The following HYOU1 variants were observed in gnomAD, a reference collection of about 807,000 sequenced individuals.
HYOU1 encodes hypoxia up-regulated 1.
Under a neutral mutation model 120.5 loss-of-function variants are expected in HYOU1, and 40 were observed. That is an observed-to-expected ratio of 0.33 (90% CI 0.26 to 0.43). The LOEUF (loss-of-function observed/expected upper bound fraction) is 0.43, where lower values mean the gene tolerates loss of function less well. Ranked by LOEUF, HYOU1 falls within the 20% of genes least tolerant of loss-of-function variation. The pLI, the probability that HYOU1 is intolerant of heterozygous loss-of-function variation, is 1.00. For missense variants in HYOU1, 1,085 were observed against 1,278.3 expected, an observed-to-expected ratio of 0.85 and a Z score of 2.31; for synonymous variants, 501 against 479.4, an observed-to-expected ratio of 1.05 and a Z score of -0.59.
Position 119,051,980 on chromosome 11 carries a change from C to G in HYOU1, c.1206-29G>C. 1 of 1,613,960 alleles carries G rather than the reference C, an allele frequency of 6.2e-7. No homozygotes were observed. Among genetic ancestry groups the G allele is most frequent in the African/African-American group, 1.3e-5 (1 of 75,038 alleles). On this transcript the variant is annotated intron_variant, in intron 11 of 25. Transcript: ENST00000617285. The surrounding 1 kb of genome is among the most constrained non-coding windows in gnomAD (Gnocchi z 4.2). The stretch of plus-strand genomic sequence containing the variant: ...GGAAAGCCCCAAGCCTCAGCACGGT[C>G]TACCCTGGAGCATGCAACCGGGACT...
chr11:119,049,269 G>A, intron 16 of HYOU1, 66 bp from the exon 17 acceptor site: 1 of 1,590,912 alleles, frequency 6.3e-7, no homozygotes, highest in Non-Finnish European at 8.5e-7. Flanking sequence ...GCCTGGCTCG[G>A]CACCGCCGAC....
In HYOU1 at chr11:119,052,418, C is replaced by T; in HGVS notation, c.999G>A (p.Leu333=). ...NADHMAQIEG[L]MDDVDFKAKV... Reference sequence around the variant, plus strand: ...TTGCCTTGAAGTCCACATCATCCATCAGGCCTTCAATCTGGGAGAGGATGG... The same window carrying T: ...TTGCCTTGAAGTCCACATCATCCATTAGGCCTTCAATCTGGGAGAGGATGG... Residue 333 remains leucine, a synonymous_variant, in exon 10 of 26, where the codon CTG becomes CTA. Transcript: ENST00000617285. The surrounding 1 kb of genome is among the most constrained non-coding windows in gnomAD (Gnocchi z 5.0). 1 of 1,614,212 alleles carries T rather than the reference C, an allele frequency of 6.2e-7. No homozygotes were observed. Among genetic ancestry groups the T allele is most frequent in the Non-Finnish European group, 8.5e-7 (1 of 1,180,038 alleles).
intron 14 of HYOU1, among the ~76,000 whole-genome samples, chr11:119,050,808 T>G (rs2133581350): frequency 3.4e-4 from 50 of 148,324 alleles, no homozygotes; most frequent in African/African-American, 1.2e-3. Flanking sequence ...ACAATGCCTA[T>G]ATCAAACCAT....
Position 119,055,196 on chromosome 11 carries a change from A to C in HYOU1, c.408T>G (p.Phe136Leu), listed in dbSNP as rs2133610990. The change falls in exon 5 of 26, where the codon TTT becomes TTG. Residue 136 changes from phenylalanine to leucine, a missense_variant. Physicochemically the swap from Phe to Leu is conservative, Grantham distance 22. Transcript: ENST00000617285. The surrounding 1 kb of genome is among the most constrained non-coding windows in gnomAD (Gnocchi z 4.0). The part of the protein sequence containing the change: ...TFDPQRQTVH[F>L]QISSQLQFSP... ...AACAGAGCACTCACGAGCTGATCTG[A>C]AAGTGCACAGTCTGCCTCTGTGGGT... The C allele has an allele frequency of 1.1e-5, 17 of 1,613,766 alleles. No individual in the cohort carries two copies. The highest frequency in any genetic ancestry group is 1.4e-5 in the Non-Finnish European group (17 of 1,179,816).
chr11:119,055,241 C>T lies in HYOU1; in HGVS notation c.363G>A (p.Pro121=), dbSNP rs11822958. The T allele has an allele frequency of 8.3e-3, 13,345 of 1,614,084 alleles. 868 individuals carry two copies. In the African/African-American group the frequency reaches 0.15, roughly 18 times the overall value. The change falls in exon 5 of 26, where the codon CCG becomes CCA. Residue 121 remains proline, a synonymous_variant. Transcript: ENST00000617285. The surrounding 1 kb of genome is among the most constrained non-coding windows in gnomAD (Gnocchi z 4.0). ...GTGGGTCGAAAGTCAGCTCGTGCTCCGGGAAGCGGGCCTGGTAAAGAGCTA... is the reference window on the plus strand; with the variant it reads ...GTGGGTCGAAAGTCAGCTCGTGCTCTGGGAAGCGGGCCTGGTAAAGAGCTA... ...PHVALYQARF[P]EHELTFDPQR... is the part of the protein sequence containing the mutation.
rs1377398211 is a variant in HYOU1, at chr11:119,046,633, T to A, written c.2765A>T (p.Asn922Ile). 6.2e-7 allele frequency: 1 copy of A among 1,614,090 alleles called. No individual in the cohort carries two copies. The highest frequency in any genetic ancestry group is 1.3e-5 in the African/African-American group (1 of 74,932). ...TKPRPRPKDK[N>I]GTRAEPPLNA... ...GAGGGGTGGCTCTGCCCGGGTCCCA[T>A]TCTTGTCCTTAGGCCGGGGCCGGGG... Residue 922 changes from asparagine to isoleucine, a missense_variant, in exon 23 of 26, where the codon AAT becomes ATT. Asn to Ile is a moderately radical substitution (Grantham distance 149). Transcript: ENST00000617285.
At chr11:119,047,448 G>C in intron 22 of HYOU1, 1 of 388,286 alleles carries the variant, frequency 2.6e-6, no homozygotes, top group Non-Finnish European at 4.7e-6. Context: ...GTTTCACCTA[G>C]CCAAACCCTG....
chr11:119,045,548 G>C lies in HYOU1; in HGVS notation c.*45C>G, dbSNP rs782475037. The C allele has an allele frequency of 8.0e-6, 12 of 1,493,960 alleles. No individual in the cohort carries two copies. The highest frequency in any genetic ancestry group is 9.3e-6 in the Non-Finnish European group (10 of 1,070,170). 92.5% of individuals were successfully genotyped at this position (1,493,960 alleles called of 1,614,324 possible). A position where few individuals can be genotyped will look rare whatever the true frequency, so the allele number is the denominator to read the frequency against. On this transcript the variant is annotated 3_prime_UTR_variant, in exon 26 of 26. Transcript: ENST00000617285. ...CCTCGATGTTAAATAAATAGAAGTG[G>C]TGGGGGAAGGGGGTGGAGATGAATG...
At chr11:119,053,937 CT>C in intron 8 of HYOU1, 183 bp downstream of exon 8, 1 of 514,690 alleles carries the variant, frequency 1.9e-6, no homozygotes, top group East Asian at 3.2e-5. Context: ...TTTTCCCAAA[CT>C]GTCCTCCCCT....
In HYOU1 at chr11:119,054,561, T is replaced by C. The variant is rs2133605873; in HGVS notation, c.611A>G (p.Asn204Ser). Residue 204 changes from asparagine to serine, a missense_variant, in exon 7 of 26, where the codon AAT becomes AGT. Physicochemically the swap from Asn to Ser is conservative, Grantham distance 46. This residue lies in a region of HYOU1 where 515 missense variants were observed against 677.8 expected (regional missense o/e 0.76). Transcript: ENST00000617285. Reference protein sequence around the residue: ...MAGLKVLQLINDNTATALSYG... With the variant: ...MAGLKVLQLISDNTATALSYG... Reference sequence around the variant, plus strand: ...GCTGAGGGCAGTGGCGGTGTTGTCATTGATGAGCTGCAGCACTTTGAGGCC... The same window carrying C: ...GCTGAGGGCAGTGGCGGTGTTGTCACTGATGAGCTGCAGCACTTTGAGGCC... 5.0e-6 allele frequency: 8 copies of C among 1,614,024 alleles called. No individual in the cohort carries two copies. The highest frequency in any genetic ancestry group is 1.3e-5 in the African/African-American group (1 of 74,920).
At chr11:119,054,368 G>T in intron 7 of HYOU1, 126 bp downstream of exon 7, 1 of 1,189,724 alleles carries the variant, frequency 8.4e-7, no homozygotes. Flanking sequence ...GGGGCTGGGA[G>T]GAGGCTATTG....
Position 119,049,591 on chromosome 11 carries a change from G to A in HYOU1, c.1771C>T (p.Pro591Ser). ...TCAGTACCATTCTCCTTGGCATCTGGTGTGGTACCGCCTCCAAACAGGCTG... is the reference window on the plus strand; with the variant it reads ...TCAGTACCATTCTCCTTGGCATCTGATGTGGTACCGCCTCCAAACAGGCTG... ...ISSLFGGGTT[P>S]DAKENGTDTV... Residue 591 changes from proline (P) to serine (S), a missense_variant, in exon 16 of 26, where the codon CCA becomes TCA. Physicochemically the swap from Pro to Ser is moderately conservative, Grantham distance 74. This residue lies in a region of HYOU1 where 516 missense variants were observed against 517.1 expected (regional missense o/e 1.00). Coordinates refer to ENST00000617285, the MANE Select transcript of HYOU1 (RefSeq NM_006389.5). 1 of 1,614,126 alleles carries A rather than the reference G, an allele frequency of 6.2e-7. No homozygotes were observed.
At position 119,052,748 on chromosome 11, in the gene HYOU1, C is replaced by G; in HGVS notation, c.876G>C (p.Lys292Asn). 1 of 1,614,246 alleles carries G rather than the reference C, an allele frequency of 6.2e-7. No individual in the cohort carries two copies. Among genetic ancestry groups the G allele is most frequent in the Non-Finnish European group, 8.5e-7 (1 of 1,180,042 alleles). The change falls in exon 9 of 26, where the codon AAG (lysine) becomes AAC (asparagine). Residue 292 changes from lysine (K) to asparagine (N), a missense_variant. Physicochemically the swap from Lys to Asn is moderately conservative, Grantham distance 94. Transcript: ENST00000617285. The surrounding 1 kb of genome is among the most constrained non-coding windows in gnomAD (Gnocchi z 5.0). ...RLAGLFNEQR[K>N]GQRAKDVREN... ...CCCGCACATCCTTTGCTCTCTGACC[C>G]TTGCGCTGCTCATTGAAAAGCCCAG... is the stretch of plus-strand genomic sequence containing the variant.
chr11:119,051,393 G>A lies in HYOU1; in HGVS notation c.1526+45C>T, dbSNP rs2133584574. On this transcript the variant is annotated intron_variant, in intron 13 of 25. Transcript: ENST00000617285. The surrounding 1 kb of genome is among the most constrained non-coding windows in gnomAD (Gnocchi z 4.2). The stretch of plus-strand genomic sequence containing the variant: ...AGTCCTCAGATTATCCAGCAGCCAC[G>A]CCTCCCCCTCCCTGGAGCTCCCATC... 1.9e-5 allele frequency: 30 copies of A among 1,593,036 alleles called. No individual in the cohort carries two copies. The South Asian group carries it at 2.0e-4, about 11-fold the overall frequency.
chr11:119,045,961 G>T, intron 24 of HYOU1, 130 bp from the exon 25 acceptor site: 1 of 891,488 alleles, frequency 1.1e-6, no homozygotes, highest in Non-Finnish European at 1.8e-6. Context: ...TGGTCTCTTT[G>T]CCTACTCTGT....
Position 119,045,081 on chromosome 11 carries a change from C to T in HYOU1, c.*512G>A. 4.4e-6 allele frequency: 2 copies of T among 450,314 alleles called. No individual in the cohort carries two copies. The highest frequency in any genetic ancestry group is 3.1e-5 in the South Asian group (2 of 64,444). 27.9% of individuals were successfully genotyped at this position (450,314 alleles called of 1,614,324 possible). On this transcript the variant is annotated 3_prime_UTR_variant, in exon 26 of 26. Transcript: ENST00000617285. ...GAAGGGAGGCTCAGAGCAAGAGAAGCCCGCAGAGGGAGGAAAGAGCACAGA... is the reference window on the plus strand; with the variant it reads ...GAAGGGAGGCTCAGAGCAAGAGAAGTCCGCAGAGGGAGGAAAGAGCACAGA...
rs2133552698 is a variant in HYOU1 at position 119,046,707 on chromosome 11, G to C, written c.2691C>G (p.Ala897=). 1.9e-6 allele frequency: 3 copies of C among 1,613,126 alleles called. No individual in the cohort carries two copies. Among genetic ancestry groups the C allele is most frequent in the African/African-American group, 2.7e-5 (2 of 75,050 alleles). Residue 897 remains alanine (A), a synonymous_variant, in exon 23 of 26, where the codon GCC becomes GCG. Transcript: ENST00000617285. ...GCAGATACTGCACCTCTCGGTCCAG[G>C]GCCATCATCTTAGCTTCAATGTCTT... is the stretch of plus-strand genomic sequence containing the variant. ...LSKDIEAKMM[A]LDREVQYLLN... is the part of the protein sequence containing the mutation.
chr11:119,052,885 T>C lies in HYOU1; in HGVS notation c.795-56A>G. On this transcript the variant is annotated intron_variant, in intron 8 of 25. Transcript: ENST00000617285. The surrounding 1 kb of genome is among the most constrained non-coding windows in gnomAD (Gnocchi z 5.0). ...GAAGAACACATGGAGTCCCCGCATC[T>C]GCACAGGAGCCTCTCATCCCCACAT... 6.7e-7 allele frequency: 1 copy of C among 1,494,160 alleles called. No homozygotes were observed. Among genetic ancestry groups the C allele is most frequent in the Non-Finnish European group, 9.1e-7 (1 of 1,103,034 alleles). 92.6% of individuals were successfully genotyped at this position (1,494,160 alleles called of 1,614,324 possible).
chr11:119,045,572 T>C lies in HYOU1; in HGVS notation c.*21A>G. 1 of 1,603,524 alleles carries C rather than the reference T, an allele frequency of 6.2e-7. No homozygotes were observed. Among genetic ancestry groups the C allele is most frequent in the Admixed American group, 1.7e-5 (1 of 60,000 alleles). On this transcript the variant is annotated 3_prime_UTR_variant, in exon 26 of 26. Transcript: ENST00000617285. ...GGTGGGGGAAGGGGGTGGAGATGAA[T>C]GGGGAAAACAGAGGTGGGGGTTATA... is the stretch of plus-strand genomic sequence containing the variant.
Sources: allele counts gnomAD v4.1 joint callset (sites outside exome capture counted in the v4.1 genomes callset), GRCh38; gene constraint gnomAD v4.1.1; regional missense constraint gnomAD v4.1.1; non-coding constraint Gnocchi (gnomAD v3.1); transcripts MANE v1.5; gene names NCBI Gene and HGNC (gene_info 2026-07-23, HGNC 2026-07-21).